PKNOX2: variants seen among roughly 807,000 people sequenced by gnomAD.
PKNOX2 encodes homeobox protein PKNOX2.
In PKNOX2, 14 loss-of-function variants were observed where a neutral mutation model predicts 53.1. The ratio of observed to expected loss-of-function variants is 0.26; its 90% CI spans 0.17 to 0.41. The LOEUF (loss-of-function observed/expected upper bound fraction) is 0.41, where lower values mean the gene tolerates loss of function less well. PKNOX2 is among the 10% of genes least tolerant of loss of function. PKNOX2 has a pLI of 1.00. For synonymous variants in PKNOX2, 257 were observed against 242.8 expected, an observed-to-expected ratio of 1.06 and a Z score of -0.54; for missense variants, 496 against 602.8, an observed-to-expected ratio of 0.82 and a Z score of 1.85.
intron 2 of PKNOX2, among the ~76,000 whole-genome samples, chr11:125,283,331 G>A (rs1445065980): frequency 6.6e-6 from 1 of 152,186 alleles, no homozygotes; most frequent in Non-Finnish European, 1.5e-5. Flanking sequence ...CAAGAATGGA[G>A]GTTGGGGTCA....
At chr11:125,304,869 A>G (rs1948323256) in intron 2 of PKNOX2, among the ~76,000 whole-genome samples, 1 of 152,218 alleles carries the variant, frequency 6.6e-6, no homozygotes, top group Non-Finnish European at 1.5e-5. Context: ...ATCCCTGCCC[A>G]TGTGTAGCGT....
intron 1 of PKNOX2, among the ~76,000 whole-genome samples, chr11:125,229,887 C>A (rs1438570399): frequency 6.6e-6 from 1 of 152,180 alleles, no homozygotes; most frequent in Non-Finnish European, 1.5e-5. Flanking sequence ...TCTTCCCATC[C>A]CAGGCTTGGA....
intron 5 of PKNOX2, among the ~76,000 whole-genome samples, chr11:125,373,323 G>T (rs990080401): frequency 5.9e-5 from 9 of 152,252 alleles, no homozygotes; most frequent in African/African-American, 1.9e-4. Flanking sequence ...GCCAGCATAT[G>T]CTGCTTTGGC....
intron 2 of PKNOX2, among the ~76,000 whole-genome samples, chr11:125,326,477 T>C (rs1591528947): frequency 6.6e-6 from 1 of 152,164 alleles, no homozygotes; most frequent in Non-Finnish European, 1.5e-5. Flanking sequence ...AGGGGAAGAA[T>C]GGAAGCTAAG....
chr11:125,296,320 C>T lies in PKNOX2; in HGVS notation c.-129-35499C>T, dbSNP rs111547094. 7.9e-4 allele frequency among the ~76,000 whole-genome samples: 121 copies of T among 152,298 alleles called. 1 individual carries two copies. Among genetic ancestry groups the T allele is most frequent in the African/African-American group, 2.7e-3 (112 of 41,578 alleles). On this transcript the variant is annotated intron_variant, in intron 2 of 12. Coordinates refer to ENST00000298282, the MANE Select transcript of PKNOX2 (RefSeq NM_001382323.2). ...ACTCAAAGTCTACTCCATAGTCTGC[C>T]GGCTCTACCCAATACAGATCCCTGC...
At chr11:125,275,211 G>T (rs1946076929) in intron 2 of PKNOX2, among the ~76,000 whole-genome samples, 1 of 152,154 alleles carries the variant, frequency 6.6e-6, no homozygotes, top group African/African-American at 2.4e-5. Flanking sequence ...TGTTGGGGAG[G>T]GCTCTCTAAG....
rs528262630 is a variant in PKNOX2, at chr11:125,273,433, C to T, written c.-130+38318C>T. 3.9e-5 allele frequency among the ~76,000 whole-genome samples: 6 copies of T among 152,314 alleles called. No homozygotes were observed. In the South Asian group the frequency reaches 6.2e-4, roughly 16 times the overall value. On this transcript the variant is annotated intron_variant, in intron 2 of 12. Transcript: ENST00000298282. ...GAGGAGGCGGGTCAGAGCGAGGGCT[C>T]TGGCTTGTCTTCTGTCCTGGAGATG...
At chr11:125,389,794 T>C (rs1473533074) in intron 6 of PKNOX2, among the ~76,000 whole-genome samples, 1 of 152,204 alleles carries the variant, frequency 6.6e-6, no homozygotes, top group African/African-American at 2.4e-5. Flanking sequence ...TGCATGGAAT[T>C]TTTTTATGTG....
At chr11:125,363,012 C>T (rs750487349) in intron 4 of PKNOX2, among the ~76,000 whole-genome samples, 3 of 152,148 alleles carry the variant, frequency 2.0e-5, no homozygotes, top group African/African-American at 7.2e-5. Context: ...TCCTTAGCTG[C>T]GAGCTTAAGG....
intron 1 of PKNOX2, among the ~76,000 whole-genome samples, chr11:125,212,129 G>A (rs1240375783): frequency 6.6e-6 from 1 of 152,104 alleles, no homozygotes; most frequent in Non-Finnish European, 1.5e-5. Context: ...GTCTGAAATT[G>A]CTCACAATAT....
At chr11:125,189,439 GTGTGTGTGTATATATATATA>G (rs1252241747) in intron 1 of PKNOX2, among the ~76,000 whole-genome samples, 15 of 56,762 alleles carry the variant, frequency 2.6e-4, no homozygotes, top group Middle Eastern at 0.016. Flanking sequence ...GTGTGTGTGT[GTGTGTGTGTATATATATATA>G]TATATATATA....
chr11:125,422,181 T>C lies in PKNOX2; in HGVS notation c.937-6831T>C, dbSNP rs960103432. Among the ~76,000 whole-genome samples the C allele has an allele frequency of 6.6e-6, 1 of 152,102 alleles. No individual in the cohort carries two copies. The highest frequency in any genetic ancestry group is 2.4e-5 in the African/African-American group (1 of 41,420). On this transcript the variant is annotated intron_variant, in intron 10 of 12. Coordinates refer to ENST00000298282, the MANE Select transcript of PKNOX2 (RefSeq NM_001382323.2). This position sits in a 1 kb window ranked among gnomAD's most constrained non-coding sequence, Gnocchi z 4.1. ...CCAAGTTGTTGTGGTCCTCAAACCCTCTTCACCCCTTATTCTCACTCTTGA... is the reference window on the plus strand; with the variant it reads ...CCAAGTTGTTGTGGTCCTCAAACCCCCTTCACCCCTTATTCTCACTCTTGA...
chr11:125,328,335 G>A (rs894567415), intron 2 of PKNOX2, among the ~76,000 whole-genome samples: 1 of 151,812 alleles, frequency 6.6e-6, no homozygotes, highest in Non-Finnish European at 1.5e-5. Flanking sequence ...GAGAGCGGGG[G>A]AGAGAGAGAG....
At chr11:125,177,935 A>C (rs1955822258) in intron 1 of PKNOX2, among the ~76,000 whole-genome samples, 1 of 152,226 alleles carries the variant, frequency 6.6e-6, no homozygotes, top group Non-Finnish European at 1.5e-5. Context: ...AATCTTTGTA[A>C]TAGGGAGTAG....
At chr11:125,415,882 G>C (rs1179103956) in intron 10 of PKNOX2, among the ~76,000 whole-genome samples, 4 of 152,190 alleles carry the variant, frequency 2.6e-5, no homozygotes, top group African/African-American at 4.8e-5. Flanking sequence ...TTTAAAAGAT[G>C]GACATACCGT....
chr11:125,419,285 G>A (rs1017193052), intron 10 of PKNOX2, among the ~76,000 whole-genome samples: 3 of 151,704 alleles, frequency 2.0e-5, no homozygotes, highest in Non-Finnish European at 4.4e-5. Flanking sequence ...TAGAATAAGC[G>A]GATGGGCGTG....
intron 5 of PKNOX2, among the ~76,000 whole-genome samples, chr11:125,371,243 C>T (rs151136342): frequency 2.6e-5 from 4 of 152,164 alleles, no homozygotes; most frequent in Non-Finnish European, 4.4e-5. Flanking sequence ...GGATGCACAT[C>T]GCGGGTAATT....
intron 4 of PKNOX2, among the ~76,000 whole-genome samples, chr11:125,359,600 T>TACA (rs1474882092): frequency 6.6e-6 from 1 of 152,184 alleles, no homozygotes; most frequent in African/African-American, 2.4e-5. Flanking sequence ...ACTTGATGTT[T>TACA]ACCAAGTGAC....
intron 10 of PKNOX2, among the ~76,000 whole-genome samples, chr11:125,421,731 CA>C (rs537059785): frequency 1.2e-3 from 188 of 152,372 alleles, no homozygotes; most frequent in African/African-American, 4.1e-3. Context: ...CGGCATGTCA[CA>C]TTTTTTATGT....
Sources: allele counts gnomAD v4.1 joint callset (sites outside exome capture counted in the v4.1 genomes callset), GRCh38; gene constraint gnomAD v4.1.1; non-coding constraint Gnocchi (gnomAD v3.1); transcripts MANE v1.5; gene names NCBI Gene and HGNC (gene_info 2026-07-23, HGNC 2026-07-21).